The following DAZL variants were observed in gnomAD, a reference collection of about 807,000 sequenced individuals.
DAZL encodes the protein deleted in azoospermia like.
In DAZL, 4 loss-of-function variants were observed where a neutral mutation model predicts 45.0. The observed-to-expected ratio is 0.09, with a 90% CI of 0.04 to 0.20. The LOEUF (loss-of-function observed/expected upper bound fraction) is 0.20. Among genes scored for constraint, DAZL ranks in the 10% least tolerant of loss-of-function variants. DAZL has a pLI of 1.00. For missense variants in DAZL, 326 were observed against 351.3 expected (o/e 0.93, Z 0.58); for synonymous variants, 122 against 112.4 (o/e 1.09, Z -0.54).
At chr3:16,602,656 G>A (rs1411631664) in intron 1 of DAZL, among the ~76,000 whole-genome samples, 1 of 152,130 alleles carries the variant, frequency 6.6e-6, no homozygotes, top group African/African-American at 2.4e-5. Flanking sequence ...AGTTTATATT[G>A]GAAATGCAAG....
In DAZL at chr3:16,593,686, G is replaced by A. The variant is rs1312603895; in HGVS notation, c.704C>T (p.Ala235Val). The change falls in exon 9 of 11, where the codon GCT becomes GTT. Residue 235 changes from alanine to valine, a missense_variant. Physicochemically the swap from Ala to Val is moderately conservative, Grantham distance 64. Around this residue, in one of 3 missense-constraint regions of DAZL, gnomAD observed 227 missense variants for 216.6 expected, o/e 1.05. Transcript: ENST00000399444. ...TGGGCCATTTCCAGAGGGTGGAGTA[G>A]CTTCATGAACTGAACATTCATTTGG... Reference protein sequence around the residue: ...VVPNECSVHEATPPSGNGPQK... With the variant: ...VVPNECSVHEVTPPSGNGPQK... The A allele has an allele frequency of 1.2e-6, 2 of 1,611,626 alleles. No individual in the cohort carries two copies. The highest frequency in any genetic ancestry group is 1.7e-6 in the Non-Finnish European group (2 of 1,178,498).
intron 1 of DAZL, among the ~76,000 whole-genome samples, chr3:16,600,747 A>C (rs964610794): frequency 4.7e-5 from 7 of 149,596 alleles, no homozygotes; most frequent in African/African-American, 1.8e-4. Context: ...TTTCTTTGAT[A>C]AACAAGCTAT....
intron 9 of DAZL, among the ~76,000 whole-genome samples, chr3:16,592,561 T>C (rs1165898713): frequency 1.3e-4 from 17 of 128,668 alleles, no homozygotes; most frequent in Admixed American, 1.3e-3. Flanking sequence ...ACAGCGAGAC[T>C]CTGTCTTGGG....
At chr3:16,599,950 G>A (rs887547213) in intron 1 of DAZL, among the ~76,000 whole-genome samples, 3 of 152,086 alleles carry the variant, frequency 2.0e-5, no homozygotes, top group Non-Finnish European at 4.4e-5. Flanking sequence ...AAAGTATAAA[G>A]TGGTATATCA....
intron 1 of DAZL, chr3:16,604,919 C>G (rs1402308693): frequency 4.5e-6 from 3 of 673,772 alleles, no homozygotes; most frequent in Non-Finnish European, 7.4e-6. Flanking sequence ...ATGGGTGCCT[C>G]AAGAAGGCCG....
intron 1 of DAZL, among the ~76,000 whole-genome samples, chr3:16,601,880 A>C (rs1234422469): frequency 6.6e-6 from 1 of 152,192 alleles, no homozygotes; most frequent in African/African-American, 2.4e-5. Flanking sequence ...AAAAATTATT[A>C]TGTAACTCCT....
intron 1 of DAZL, among the ~76,000 whole-genome samples, chr3:16,601,580 G>A (rs1694690347): frequency 6.6e-6 from 1 of 152,090 alleles, no homozygotes; most frequent in Non-Finnish European, 1.5e-5. Context: ...ACAAACTTTG[G>A]TGAAACCGTG....
At chr3:16,604,568 C>T in intron 1 of DAZL, 2 of 1,429,584 alleles carry the variant, frequency 1.4e-6, no homozygotes, top group South Asian at 3.1e-5. Flanking sequence ...GCCCCCTCAG[C>T]TACAGGGCCA....
intron 10 of DAZL, among the ~76,000 whole-genome samples, chr3:16,589,897 C>G (rs1694491418): frequency 7.8e-6 from 1 of 128,160 alleles, no homozygotes; most frequent in East Asian, 2.6e-4. Context: ...GATTCTGTCT[C>G]TTAAAAAAAA....
chr3:16,601,578 T>A (rs886336219), intron 1 of DAZL, among the ~76,000 whole-genome samples: 2 of 152,208 alleles, frequency 1.3e-5, no homozygotes, highest in Admixed American at 1.3e-4. Flanking sequence ...AGACAAACTT[T>A]GGTGAAACCG....
At chr3:16,600,672 A>T (rs1481291972) in intron 1 of DAZL, among the ~76,000 whole-genome samples, 1 of 152,218 alleles carries the variant, frequency 6.6e-6, no homozygotes, top group African/African-American at 2.4e-5. Flanking sequence ...ATAAATTCTG[A>T]AATTCTTGTA....
At chr3:16,589,806 T>C (rs1336625061) in intron 10 of DAZL, among the ~76,000 whole-genome samples, 3 of 151,782 alleles carry the variant, frequency 2.0e-5, no homozygotes, top group African/African-American at 7.3e-5. Flanking sequence ...CTCACGCCTG[T>C]AATCCCAGCA....
Position 16,590,580 on chromosome 3 carries a change from C to A in DAZL, c.834+1470G>T, listed in dbSNP as rs541634679. 1.4e-4 allele frequency among the ~76,000 whole-genome samples: 22 copies of A among 152,222 alleles called. No homozygotes were observed. The South Asian group carries it at 4.1e-3, about 29-fold the overall frequency. ...ACATATGTCCACGTAATAACTTGTA[C>A]ATGAATGTTCACAGCATTATTTCTA... On this transcript the variant is annotated intron_variant, in intron 10 of 10. Transcript: ENST00000399444.
chr3:16,596,043 G>C (rs1694595121), intron 6 of DAZL, among the ~76,000 whole-genome samples: 1 of 151,878 alleles, frequency 6.6e-6, no homozygotes, highest in Non-Finnish European at 1.5e-5. Context: ...GGAGAAAGAA[G>C]AGGAGGTACA....
At chr3:16,596,378 G>A (rs1694599854) in intron 6 of DAZL, among the ~76,000 whole-genome samples, 1 of 151,972 alleles carries the variant, frequency 6.6e-6, no homozygotes, top group Non-Finnish European at 1.5e-5. Flanking sequence ...GGAGGCATCT[G>A]GAAATCATTG....
In DAZL at chr3:16,604,372, G is replaced by C. The variant is rs867020079; in HGVS notation, c.3+831C>G. On this transcript the variant is annotated intron_variant, in intron 1 of 10. Transcript: ENST00000399444. ...TTTTGTCAAAGGATCCTGGTTTATC[G>C]AGAGGGAAAAAACCGTACCCAGAAT... 282 of 1,350,958 alleles carry C rather than the reference G, an allele frequency of 2.1e-4. 1 individual carries two copies. The highest frequency in any genetic ancestry group is 5.6e-4 in the Admixed American group (27 of 48,616). 83.7% of individuals were successfully genotyped at this position (1,350,958 alleles called of 1,614,324 possible).
intron 1 of DAZL, among the ~76,000 whole-genome samples, chr3:16,603,526 T>TG (rs1694724761): frequency 6.7e-6 from 1 of 150,362 alleles, no homozygotes; most frequent in African/African-American, 2.5e-5. Context: ...TTTCTGTTTT[T>TG]AGTAGCGATG....
intron 1 of DAZL, among the ~76,000 whole-genome samples, chr3:16,602,483 A>G (rs1439776320): frequency 6.6e-6 from 1 of 152,134 alleles, no homozygotes; most frequent in Non-Finnish European, 1.5e-5. Flanking sequence ...ACAGAAGAGG[A>G]GATTAAAAAA....
chr3:16,600,637 C>T (rs950617664), intron 1 of DAZL, among the ~76,000 whole-genome samples: 1 of 152,172 alleles, frequency 6.6e-6, no homozygotes, highest in South Asian at 2.1e-4. Flanking sequence ...ATTCAGAAAT[C>T]CCAAACAGAA....
Sources: allele counts gnomAD v4.1 joint callset (sites outside exome capture counted in the v4.1 genomes callset), GRCh38; gene constraint gnomAD v4.1.1; regional missense constraint gnomAD v4.1.1; transcripts MANE v1.5; gene names NCBI Gene and HGNC (gene_info 2026-07-23, HGNC 2026-07-21).